Variants in MAP3K20 observed in about 807,000 individuals in gnomAD.
MAP3K20 encodes the protein mitogen-activated protein kinase kinase kinase 20.
MAP3K20 carries 40 observed loss-of-function variants against 85.7 expected under a neutral mutation model. The observed-to-expected ratio is 0.47, with a 90% CI of 0.36 to 0.61. The LOEUF (loss-of-function observed/expected upper bound fraction) is 0.61. Among genes scored for constraint, MAP3K20 ranks in the 20% least tolerant of loss-of-function variants. The pLI is 0.00. For synonymous variants in MAP3K20, 325 were observed against 327.7 expected (o/e 0.99, Z 0.09); for missense variants, 817 against 961.7 (o/e 0.85, Z 1.99).
At chr2:173,111,135 G>A (rs1167678801) in intron 2 of MAP3K20, among the ~76,000 whole-genome samples, 1 of 152,136 alleles carries the variant, frequency 6.6e-6, no homozygotes, top group Non-Finnish European at 1.5e-5. Flanking sequence ...TTGCAGGAGT[G>A]AGGTGATATC....
intron 3 of MAP3K20, among the ~76,000 whole-genome samples, chr2:173,180,634 C>T (rs1690297664): frequency 1.3e-5 from 2 of 151,994 alleles, no homozygotes; most frequent in Non-Finnish European, 2.9e-5. Context: ...CAAGAGTGTG[C>T]CACTGCACTC....
intron 14 of MAP3K20, among the ~76,000 whole-genome samples, chr2:173,233,540 G>A (rs920221015): frequency 6.6e-6 from 1 of 152,122 alleles, no homozygotes; most frequent in African/African-American, 2.4e-5. Context: ...AGAGATCTTA[G>A]AATAAAATCA....
At chr2:173,191,769 C>G (rs1690658678) in intron 7 of MAP3K20, among the ~76,000 whole-genome samples, 1 of 152,148 alleles carries the variant, frequency 6.6e-6, no homozygotes, top group African/African-American at 2.4e-5. Flanking sequence ...ACATAAGAAT[C>G]ACAGCAGAGC....
At chr2:173,173,447 C>G (rs1332993699) in intron 3 of MAP3K20, among the ~76,000 whole-genome samples, 5 of 152,128 alleles carry the variant, frequency 3.3e-5, no homozygotes, top group Admixed American at 3.3e-4. Context: ...CTTAAGTTAC[C>G]TGTTCTGCGT....
intron 2 of MAP3K20, among the ~76,000 whole-genome samples, chr2:173,134,221 C>T (rs568931434): frequency 2.2e-5 from 3 of 139,338 alleles, no homozygotes; most frequent in Admixed American, 1.5e-4. Flanking sequence ...GACAGAATCT[C>T]GCTCTGTCCT....
At chr2:173,169,677 A>G in intron 2 of MAP3K20, 128 bp from the exon 3 acceptor site, 1 of 838,872 alleles carries the variant, frequency 1.2e-6, no homozygotes. Flanking sequence ...CCAAGATCAC[A>G]CCACTGTACT....
At chr2:173,246,983 G>T (rs1349482211) in intron 16 of MAP3K20, among the ~76,000 whole-genome samples, 2 of 152,190 alleles carry the variant, frequency 1.3e-5, no homozygotes, top group Non-Finnish European at 2.9e-5. Flanking sequence ...AAGAGTAAAT[G>T]AGAGGAACCT....
intron 9 of MAP3K20, among the ~76,000 whole-genome samples, chr2:173,205,525 G>A (rs1336995411): frequency 6.6e-6 from 1 of 152,130 alleles, no homozygotes; most frequent in Non-Finnish European, 1.5e-5. Flanking sequence ...TAATAATGCA[G>A]CCAACAAGGC....
intron 2 of MAP3K20, among the ~76,000 whole-genome samples, chr2:173,146,361 C>T (rs746219607): frequency 7.2e-5 from 11 of 152,034 alleles, no homozygotes; most frequent in Non-Finnish European, 1.6e-4. Flanking sequence ...ATACAGTGTA[C>T]ATGCACACTA....
chr2:173,134,412 A>ATTTTTTTT (rs1559246011), intron 2 of MAP3K20, among the ~76,000 whole-genome samples: 2 of 5,658 alleles, frequency 3.5e-4, no homozygotes, highest in African/African-American at 5.8e-4. Context: ...ATATATATAT[A>ATTTTTTTT]TATATATATA....
chr2:173,229,518 C>T (rs1291741570), intron 11 of MAP3K20, among the ~76,000 whole-genome samples, 171 bp from the exon 12 acceptor site: 1 of 152,178 alleles, frequency 6.6e-6, no homozygotes, highest in East Asian at 1.9e-4. Flanking sequence ...TACTGGAGCA[C>T]TGAGAACTGC....
chr2:173,229,236 C>A (rs148439908), intron 11 of MAP3K20, among the ~76,000 whole-genome samples: 3 of 152,318 alleles, frequency 2.0e-5, no homozygotes, highest in African/African-American at 7.2e-5. Context: ...AAATATTGTG[C>A]AAATGAGATC....
At chr2:173,215,456 A>G (rs1684045161) in intron 10 of MAP3K20, among the ~76,000 whole-genome samples, 1 of 152,246 alleles carries the variant, frequency 6.6e-6, no homozygotes, top group Admixed American at 6.5e-5. Context: ...CAGAAATATC[A>G]GGGATAAAAT....
intron 15 of MAP3K20, among the ~76,000 whole-genome samples, chr2:173,238,739 T>C (rs1684712064): frequency 6.6e-6 from 1 of 152,196 alleles, no homozygotes; most frequent in Non-Finnish European, 1.5e-5. Flanking sequence ...CCTGGATACT[T>C]TTCAACATGT....
chr2:173,213,507 T>C (rs1359667174), intron 10 of MAP3K20, among the ~76,000 whole-genome samples: 4 of 152,350 alleles, frequency 2.6e-5, no homozygotes, highest in South Asian at 4.1e-4. Context: ...TTGTCACTTA[T>C]TAGGTTCTTA....
chr2:173,075,985 G>T lies in MAP3K20; in HGVS notation c.-52G>T. The T allele has an allele frequency of 1.0e-6, 1 of 984,978 alleles. No homozygotes were observed. The highest frequency in any genetic ancestry group is 1.2e-6 in the Non-Finnish European group (1 of 829,774). 61.0% of individuals were successfully genotyped at this position (984,978 alleles called of 1,614,324 possible). On this transcript the variant is annotated 5_prime_UTR_variant, in exon 1 of 20. Coordinates refer to ENST00000375213, the MANE Select transcript of MAP3K20 (RefSeq NM_016653.3). ...CTCCGCGCCCCCGGCTGCTGCTCAC[G>T]CCCCGCCCGGGAGCCAGGTAGGGGT...
chr2:173,082,889 G>A (rs1026207651), intron 1 of MAP3K20, among the ~76,000 whole-genome samples: 9 of 152,228 alleles, frequency 5.9e-5, no homozygotes, highest in East Asian at 1.9e-4. Flanking sequence ...TTTCTGTGGC[G>A]TTAAGTGCTC....
rs749505684 is a variant in MAP3K20, at chr2:173,209,947, T to C, written c.851+112T>C. On this transcript the variant is annotated intron_variant, in intron 10 of 19. Coordinates refer to ENST00000375213, the MANE Select transcript of MAP3K20 (RefSeq NM_016653.3). ...GACAGTCCTGATTTCTGACCATAGCTTAGGGAAAAAGAAAAGGTTTTTTTT... is the reference window on the plus strand; with the variant it reads ...GACAGTCCTGATTTCTGACCATAGCCTAGGGAAAAAGAAAAGGTTTTTTTT... 1.2e-5 allele frequency: 12 copies of C among 973,808 alleles called. No individual in the cohort carries two copies. In the South Asian group the frequency reaches 1.5e-4, roughly 12 times the overall value. 60.3% of individuals were successfully genotyped at this position (973,808 alleles called of 1,614,324 possible). A position where few individuals can be genotyped will look rare whatever the true frequency, so the allele number is the denominator to read the frequency against.
At chr2:173,158,954 G>T (rs188189676) in intron 2 of MAP3K20, among the ~76,000 whole-genome samples, 1 of 152,322 alleles carries the variant, frequency 6.6e-6, no homozygotes, top group Admixed American at 6.5e-5. Flanking sequence ...TACTCTGTGT[G>T]CTGTTAATAA....
Sources: allele counts gnomAD v4.1 joint callset (sites outside exome capture counted in the v4.1 genomes callset), GRCh38; gene constraint gnomAD v4.1.1; transcripts MANE v1.5; gene names NCBI Gene and HGNC (gene_info 2026-07-23, HGNC 2026-07-21).